Variants in DIAPH2 observed in about 807,000 individuals in gnomAD.
The protein encoded by DIAPH2 is protein diaphanous homolog 2.
DIAPH2 carries 35 observed loss-of-function variants against 92.7 expected under a neutral mutation model. The ratio of observed to expected loss-of-function variants is 0.38; its 90% CI spans 0.29 to 0.50. DIAPH2 has a LOEUF of 0.50. DIAPH2 is among the 20% of genes least tolerant of loss of function. The probability of loss-of-function intolerance (pLI) is 0.94; values close to 1 mark genes in which losing one functional copy is unlikely to be tolerated. For synonymous variants in DIAPH2, 301 were observed against 280.4 expected, an observed-to-expected ratio of 1.07 and a Z score of -0.73; for missense variants, 701 against 819.5, an observed-to-expected ratio of 0.86 and a Z score of 1.77.
chrX:96,864,215 A>G (rs971929007), intron 4 of DIAPH2, among the ~76,000 whole-genome samples: 1 of 111,389 alleles, frequency 9.0e-6, no homozygotes, highest in African/African-American at 3.3e-5. Context: ...TCCTAGCTAC[A>G]GTTCAGATTG....
chrX:97,527,691 G>T (rs1264804969), intron 26 of DIAPH2, among the ~76,000 whole-genome samples: 1 of 112,098 alleles, frequency 8.9e-6, no homozygotes, highest in East Asian at 2.8e-4. Context: ...AAGCAATAAC[G>T]TTGAATAAGA....
intron 17 of DIAPH2, among the ~76,000 whole-genome samples, chrX:97,044,688 G>T (rs2066469480): frequency 9.0e-6 from 1 of 110,866 alleles, no homozygotes; most frequent in Admixed American, 9.6e-5. Context: ...ATCATTTTCA[G>T]CAGCATACTA....
At chrX:96,939,236 GATCTTTA>G in intron 11 of DIAPH2, 23 bp from the exon 12 acceptor site, 1 of 648,476 alleles carries the variant, frequency 1.5e-6, no homozygotes, top group Non-Finnish European at 2.4e-6. Context: ...TTCCATCAAG[GATCTTTA>G]ATATTTTTCC....
At chrX:97,241,616 C>G (rs1272109929) in intron 22 of DIAPH2, among the ~76,000 whole-genome samples, 1 of 109,409 alleles carries the variant, frequency 9.1e-6, no homozygotes, top group East Asian at 2.9e-4. Context: ...CTAATTCTTA[C>G]ACCACAGAAG....
chrX:96,986,918 A>G (rs1047483647), intron 17 of DIAPH2, among the ~76,000 whole-genome samples: 11 of 111,883 alleles, frequency 9.8e-5, no homozygotes, highest in Non-Finnish European at 1.3e-4. Context: ...TGTGGAAAAT[A>G]CATTTTTCTA....
rs752245059 is a variant in DIAPH2, at chrX:96,947,586, G to A, written c.1510-1349G>A. On this transcript the variant is annotated intron_variant, in intron 14 of 26. Transcript: ENST00000324765. ...AGATGAATAAAAGCATTTCAGGTTC[G>A]ACCCAAACAGTATTATTATCCAGTT... Among the ~76,000 whole-genome samples the A allele has an allele frequency of 9.9e-5, 11 of 110,897 alleles. No individual in the cohort carries two copies. The East Asian group carries it at 2.6e-3, about 26-fold the overall frequency.
intron 26 of DIAPH2, among the ~76,000 whole-genome samples, chrX:97,502,979 A>T (rs1435263563): frequency 8.9e-6 from 1 of 112,108 alleles, no homozygotes; most frequent in East Asian, 2.8e-4. Context: ...TATGTGTACC[A>T]TTTTGCAGGA....
chrX:97,411,199 C>G (rs1338070135), intron 25 of DIAPH2, among the ~76,000 whole-genome samples: 1 of 112,140 alleles, frequency 8.9e-6, no homozygotes, highest in African/African-American at 3.2e-5. Context: ...AGACTAACAG[C>G]AGATCTCTCA....
In DIAPH2 at chrX:97,604,490, A is replaced by G. The variant is rs1205623661; in HGVS notation, c.*5173A>G. 1.8e-5 allele frequency: 2 copies of G among 112,072 alleles called. No individual in the cohort carries two copies. Among genetic ancestry groups the G allele is most frequent in the African/African-American group, 6.5e-5 (2 of 30,709 alleles). 9.2% of individuals were successfully genotyped at this position (112,072 alleles called of 1,213,427 possible). A position where few individuals can be genotyped will look rare whatever the true frequency, so the allele number is the denominator to read the frequency against. On this transcript the variant is annotated 3_prime_UTR_variant, in exon 27 of 27. Coordinates refer to ENST00000324765, the MANE Select transcript of DIAPH2 (RefSeq NM_006729.5). ...GATGCATTCTTGGTGCTCAAACCAGATCGAAGTTTGTCTCTAAAAGCTATT... is the reference window on the plus strand; with the variant it reads ...GATGCATTCTTGGTGCTCAAACCAGGTCGAAGTTTGTCTCTAAAAGCTATT...
intron 17 of DIAPH2, among the ~76,000 whole-genome samples, chrX:97,066,873 G>A (rs1406781621): frequency 8.9e-6 from 1 of 111,911 alleles, no homozygotes; most frequent in Non-Finnish European, 1.9e-5. Context: ...TCCTTAATTA[G>A]GAAATCACTA....
At chrX:97,298,336 G>A (rs1304244809) in intron 23 of DIAPH2, among the ~76,000 whole-genome samples, 1 of 103,136 alleles carries the variant, frequency 9.7e-6, no homozygotes, top group Non-Finnish European at 2.0e-5. Flanking sequence ...GAACGGTGAA[G>A]GAAGTGTTGT....
chrX:97,456,831 G>C (rs1256226366), intron 26 of DIAPH2, among the ~76,000 whole-genome samples: 5 of 111,433 alleles, frequency 4.5e-5, no homozygotes, highest in Non-Finnish European at 9.4e-5. Flanking sequence ...TTTTGAAACA[G>C]CTCTCAGACA....
intron 15 of DIAPH2, among the ~76,000 whole-genome samples, chrX:96,949,988 A>G (rs1485528339): frequency 9.0e-6 from 1 of 111,604 alleles, no homozygotes; most frequent in Admixed American, 9.5e-5. Context: ...AAAGTCACCA[A>G]CAAACTCCAT....
At chrX:97,483,966 T>C (rs1232763372) in intron 26 of DIAPH2, among the ~76,000 whole-genome samples, 4 of 112,062 alleles carry the variant, frequency 3.6e-5, no homozygotes, top group Non-Finnish European at 5.6e-5. Flanking sequence ...ACAGTATTTC[T>C]GAAAATCTTT....
At chrX:96,708,112 A>G (rs2063896675) in intron 1 of DIAPH2, among the ~76,000 whole-genome samples, 1 of 110,712 alleles carries the variant, frequency 9.0e-6, no homozygotes, top group Non-Finnish European at 1.9e-5. Flanking sequence ...ACCATAGGCT[A>G]AATTTGGAAA....
At chrX:97,245,143 G>GT (rs1174727179) in intron 22 of DIAPH2, among the ~76,000 whole-genome samples, 5 of 106,828 alleles carry the variant, frequency 4.7e-5, no homozygotes, top group African/African-American at 1.4e-4. Flanking sequence ...TTTGTTTTTT[G>GT]TTTTTTTCTT....
intron 26 of DIAPH2, among the ~76,000 whole-genome samples, chrX:97,598,265 T>C (rs764712964): frequency 1.2e-4 from 13 of 111,889 alleles, no homozygotes; most frequent in Admixed American, 9.5e-4. Context: ...CATCATACCA[T>C]TGATTTGCTG....
chrX:97,026,642 G>A (rs2066336968), intron 17 of DIAPH2, among the ~76,000 whole-genome samples: 1 of 112,179 alleles, frequency 8.9e-6, no homozygotes. Context: ...AAAGACTGCT[G>A]TTCTGCCTTC....
chrX:97,133,783 C>G (rs1047512885), intron 21 of DIAPH2, among the ~76,000 whole-genome samples: 1 of 112,251 alleles, frequency 8.9e-6, no homozygotes, highest in Admixed American at 9.4e-5. Flanking sequence ...GGCCATGGAG[C>G]AGGAATGAAG....
Sources: allele counts gnomAD v4.1 joint callset (sites outside exome capture counted in the v4.1 genomes callset), GRCh38; gene constraint gnomAD v4.1.1; transcripts MANE v1.5; gene names NCBI Gene and HGNC (gene_info 2026-07-23, HGNC 2026-07-21).